Variants in HORMAD1 observed in about 807,000 individuals in gnomAD.
HORMAD1 encodes HORMA domain-containing protein 1.
A neutral mutation model predicts 58.2 loss-of-function variants in HORMAD1; 33 were observed. The observed-to-expected ratio is 0.57, with a 90% CI of 0.43 to 0.76. The LOEUF is 0.76. Ranked by LOEUF, HORMAD1 falls within the 30% of genes least tolerant of loss-of-function variation. The pLI, the probability that HORMAD1 is intolerant of heterozygous loss-of-function variation, is 0.00. For synonymous variants in HORMAD1, 137 were observed against 144.6 expected (o/e 0.95, Z 0.38); for missense variants, 363 against 462.0 (o/e 0.79, Z 1.96).
At chr1:150,705,857 A>T (rs1233577084) in intron 10 of HORMAD1, among the ~76,000 whole-genome samples, 2 of 152,224 alleles carry the variant, frequency 1.3e-5, no homozygotes, top group Non-Finnish European at 2.9e-5. Flanking sequence ...TACTGTAGTC[A>T]TAATTTAGAA....
chr1:150,718,723 C>T (rs1392677210), intron 2 of HORMAD1, among the ~76,000 whole-genome samples: 1 of 152,102 alleles, frequency 6.6e-6, no homozygotes, highest in African/African-American at 2.4e-5. Context: ...CTTCTGAGTT[C>T]AAGCGATTCT....
intron 7 of HORMAD1, among the ~76,000 whole-genome samples, chr1:150,710,987 G>A (rs1184995232): frequency 6.6e-6 from 1 of 152,106 alleles, no homozygotes; most frequent in African/African-American, 2.4e-5. Context: ...GCTAATAGTG[G>A]TTACCTCATG....
rs1032248715 is a variant in HORMAD1 at position 150,717,962 on chromosome 1, A to G, written c.34-680T>C. Among the ~76,000 whole-genome samples the G allele has an allele frequency of 1.8e-4, 27 of 152,278 alleles. 1 individual carries two copies. Among genetic ancestry groups the G allele is most frequent in the African/African-American group, 6.5e-4 (27 of 41,566 alleles). The stretch of plus-strand genomic sequence containing the variant: ...CTCCATCTCAAAAAAAAAGTATATA[A>G]TCATTATATAATTCTTCAGATTATA... On this transcript the variant is annotated intron_variant, in intron 2 of 14. Transcript: ENST00000361824.
chr1:150,700,279 T>C, intron 13 of HORMAD1, 96 bp from the exon 14 acceptor site: 1 of 698,866 alleles, frequency 1.4e-6, no homozygotes, highest in Non-Finnish European at 2.5e-6. Context: ...AATATTTATT[T>C]ATTTATTTAC....
At chr1:150,710,539 C>T (rs17606613) in intron 7 of HORMAD1, among the ~76,000 whole-genome samples, 58,565 of 151,976 alleles carry the variant, frequency 0.39, 11,601 homozygotes, top group South Asian at 0.55. Context: ...AAATGCACAA[C>T]TATATAACAT....
At chr1:150,710,122 T>A (rs587694294) in intron 7 of HORMAD1, among the ~76,000 whole-genome samples, 42 of 152,236 alleles carry the variant, frequency 2.8e-4, no homozygotes, top group African/African-American at 9.4e-4. Flanking sequence ...TGTTTCTCTA[T>A]ACTTTGTCTC....
At chr1:150,706,484 T>C (rs1353034394) in intron 10 of HORMAD1, 69 bp downstream of exon 10, 5 of 1,287,634 alleles carry the variant, frequency 3.9e-6, no homozygotes, top group African/African-American at 3.0e-5. Flanking sequence ...ATGGGAGCTA[T>C]GAAAAATCTT....
intron 2 of HORMAD1, among the ~76,000 whole-genome samples, chr1:150,718,809 A>T (rs72702580): frequency 0.39 from 58,502 of 151,804 alleles, 11,586 homozygotes; most frequent in South Asian, 0.55. Context: ...TATTTATTTA[A>T]TTTTATTCTG....
chr1:150,710,086 G>A (rs1651826789), intron 7 of HORMAD1, among the ~76,000 whole-genome samples: 1 of 152,134 alleles, frequency 6.6e-6, no homozygotes, highest in Admixed American at 6.6e-5. Flanking sequence ...TTGGTATGCT[G>A]AGCGCCGGTC....
chr1:150,717,664 G>T lies in HORMAD1; in HGVS notation c.34-382C>A, dbSNP rs186361948. ...TAAAAAAGTATAGGCCGGGTGCAGT[G>T]GCTCACGCCTGTAATCCCAGCACTT... On this transcript the variant is annotated intron_variant, in intron 2 of 14. Transcript: ENST00000361824. Among the ~76,000 whole-genome samples the T allele has an allele frequency of 2.0e-5, 3 of 152,326 alleles. No individual in the cohort carries two copies. In the East Asian group the frequency reaches 5.8e-4, roughly 29 times the overall value.
intron 6 of HORMAD1, 123 bp downstream of exon 6, chr1:150,711,710 C>A: frequency 7.5e-6 from 7 of 937,048 alleles, no homozygotes; most frequent in Non-Finnish European, 1.2e-5. Context: ...TTTTTCATTC[C>A]ATTGAATAGA....
intron 10 of HORMAD1, among the ~76,000 whole-genome samples, chr1:150,704,871 C>T (rs587632662): frequency 5.9e-5 from 9 of 151,610 alleles, no homozygotes; most frequent in African/African-American, 2.2e-4. Flanking sequence ...GGTGAAATCT[C>T]GTCTCTACTA....
At chr1:150,700,484 A>G (rs1019488227) in intron 13 of HORMAD1, among the ~76,000 whole-genome samples, 1 of 152,118 alleles carries the variant, frequency 6.6e-6, no homozygotes, top group Non-Finnish European at 1.5e-5. Context: ...TTGAGATATA[A>G]TTTAGATACT....
chr1:150,710,669 G>C (rs933065911), intron 7 of HORMAD1, among the ~76,000 whole-genome samples: 1 of 152,100 alleles, frequency 6.6e-6, no homozygotes, highest in Admixed American at 6.6e-5. Flanking sequence ...AGCATTAATC[G>C]CAGGTGTGAG....
chr1:150,704,954 A>G (rs150284784), intron 10 of HORMAD1, among the ~76,000 whole-genome samples: 334 of 151,446 alleles, frequency 2.2e-3, no homozygotes, highest in African/African-American at 7.5e-3. Flanking sequence ...GAGGCAGGAG[A>G]ATACCTTGAA....
chr1:150,707,388 T>TA (rs1358658402), intron 9 of HORMAD1, among the ~76,000 whole-genome samples: 3 of 152,250 alleles, frequency 2.0e-5, no homozygotes, highest in Non-Finnish European at 4.4e-5. Context: ...AGTATTCTAT[T>TA]ACGCAGATGG....
intron 7 of HORMAD1, among the ~76,000 whole-genome samples, chr1:150,711,047 G>A (rs1651861870): frequency 6.6e-6 from 1 of 152,184 alleles, no homozygotes; most frequent in Non-Finnish European, 1.5e-5. Flanking sequence ...CCAAAGAACA[G>A]AGCCTAATAT....
intron 3 of HORMAD1, among the ~76,000 whole-genome samples, chr1:150,715,204 C>A (rs1652032436): frequency 1.3e-5 from 2 of 152,206 alleles, no homozygotes; most frequent in South Asian, 4.1e-4. Context: ...AGGATGCAAG[C>A]TGATGGGTAC....
At chr1:150,705,410 A>G (rs1356498818) in intron 10 of HORMAD1, among the ~76,000 whole-genome samples, 1 of 152,034 alleles carries the variant, frequency 6.6e-6, no homozygotes, top group Non-Finnish European at 1.5e-5. Context: ...CTGTAATCCC[A>G]GCTACTTGGG....
Sources: allele counts gnomAD v4.1 joint callset (sites outside exome capture counted in the v4.1 genomes callset), GRCh38; gene constraint gnomAD v4.1.1; transcripts MANE v1.5; gene names NCBI Gene and HGNC (gene_info 2026-07-23, HGNC 2026-07-21).